Variants in APBA1 observed in about 807,000 individuals in gnomAD.
APBA1 encodes amyloid beta precursor protein binding family A member 1.
APBA1 carries 55 observed loss-of-function variants against 86.6 expected under a neutral mutation model. That is an observed-to-expected ratio of 0.64 (90% CI 0.51 to 0.80). APBA1 has a LOEUF of 0.80. APBA1 is among the 30% of genes least tolerant of loss of function. APBA1 has a pLI of 0.00. For missense variants in APBA1, 1,090 were observed against 1,183.0 expected, an observed-to-expected ratio of 0.92 and a Z score of 1.15; for synonymous variants, 511 against 493.9, an observed-to-expected ratio of 1.03 and a Z score of -0.46.
rs767517524 is a variant in APBA1 at position 69,428,900 on chromosome 9, A to C, written c.*2427T>G. ...TAACACAAAAGAATGTGGCAGAGAA[A>C]TCTTCTCACTCTAATGTTACAATGT... is the stretch of plus-strand genomic sequence containing the variant. On this transcript the variant is annotated 3_prime_UTR_variant, in exon 13 of 13. Transcript: ENST00000265381. 4 of 152,250 alleles carry C rather than the reference A, an allele frequency of 2.6e-5. No homozygotes were observed. Among genetic ancestry groups the C allele is most frequent in the Non-Finnish European group, 5.9e-5 (4 of 68,038 alleles). 9.4% of individuals were successfully genotyped at this position (152,250 alleles called of 1,614,324 possible). A position where few individuals can be genotyped will look rare whatever the true frequency, so the allele number is the denominator to read the frequency against.
Position 69,516,915 on chromosome 9 carries a change from G to A in APBA1, c.296C>T (p.Ala99Val). The A allele has an allele frequency of 6.3e-7, 1 of 1,594,526 alleles. No individual in the cohort carries two copies. The highest frequency in any genetic ancestry group is 8.5e-7 in the Non-Finnish European group (1 of 1,177,084). ...TDTAEGDVIA[A>V]ARDGYDAERA... ...CTCCGCATCGTAGCCGTCGCGGGCC[G>A]CGGCGATCACGTCGCCCTCGGCGGT... Residue 99 changes from alanine (A) to valine (V), a missense_variant, in exon 2 of 13, where the codon GCG becomes GTG. Physicochemically the swap from Ala to Val is moderately conservative, Grantham distance 64. Coordinates refer to ENST00000265381, the MANE Select transcript of APBA1 (RefSeq NM_001163.4). This position sits in a 1 kb window ranked among gnomAD's most constrained non-coding sequence, Gnocchi z 7.3.
intron 1 of APBA1, among the ~76,000 whole-genome samples, chr9:69,657,301 T>C (rs574607499): frequency 2.0e-5 from 3 of 152,336 alleles, no homozygotes; most frequent in Admixed American, 6.5e-5. Context: ...ATGTGTTATA[T>C]ATAGAAGGCA....
intron 1 of APBA1, among the ~76,000 whole-genome samples, chr9:69,530,631 C>T (rs1376496958): frequency 1.3e-5 from 2 of 152,046 alleles, no homozygotes; most frequent in South Asian, 2.1e-4. Context: ...TCACTATTTG[C>T]GTAATGGATA....
At chr9:69,495,798 G>A (rs188570980) in intron 2 of APBA1, among the ~76,000 whole-genome samples, 69 of 152,184 alleles carry the variant, frequency 4.5e-4, no homozygotes, top group Non-Finnish European at 4.4e-5. Context: ...GGGAGTTGGG[G>A]GAAAAGAGGC....
At chr9:69,660,536 C>T (rs1395163459) in intron 1 of APBA1, among the ~76,000 whole-genome samples, 1 of 152,182 alleles carries the variant, frequency 6.6e-6, no homozygotes, top group Non-Finnish European at 1.5e-5. Flanking sequence ...CCTCTCTGTC[C>T]TCCCTGACAT....
chr9:69,587,815 A>T (rs1338109592), intron 1 of APBA1, among the ~76,000 whole-genome samples: 1 of 152,140 alleles, frequency 6.6e-6, no homozygotes, highest in African/African-American at 2.4e-5. Flanking sequence ...ATTTGAGGTC[A>T]GAAGTTTGCG....
At chr9:69,434,283 T>A (rs1383482783) in intron 11 of APBA1, among the ~76,000 whole-genome samples, 1 of 152,148 alleles carries the variant, frequency 6.6e-6, no homozygotes, top group Non-Finnish European at 1.5e-5. Context: ...AAGGCAGTCC[T>A]GCATGTCACA....
intron 1 of APBA1, among the ~76,000 whole-genome samples, chr9:69,524,643 T>C (rs1836314677): frequency 6.6e-6 from 1 of 151,572 alleles, no homozygotes; most frequent in Admixed American, 6.6e-5. Flanking sequence ...GATTCACAGC[T>C]GAATTCTACC....
intron 1 of APBA1, among the ~76,000 whole-genome samples, chr9:69,573,980 T>A (rs975814470): frequency 6.6e-6 from 1 of 152,248 alleles, no homozygotes; most frequent in African/African-American, 2.4e-5. Context: ...AAACTTTGCC[T>A]TATTAGGTAA....
chr9:69,469,116 C>T (rs899433612), intron 4 of APBA1, among the ~76,000 whole-genome samples: 2 of 152,162 alleles, frequency 1.3e-5, no homozygotes, highest in African/African-American at 2.4e-5. Flanking sequence ...CCGCCTCAGC[C>T]TCCCAAAGTG....
intron 1 of APBA1, among the ~76,000 whole-genome samples, chr9:69,642,772 C>G (rs2134009152): frequency 6.6e-6 from 1 of 151,670 alleles, no homozygotes; most frequent in African/African-American, 2.4e-5. Context: ...TATAAGTGGG[C>G]TTCATACAAT....
intron 1 of APBA1, among the ~76,000 whole-genome samples, chr9:69,605,902 T>G (rs1414829633): frequency 1.3e-5 from 2 of 152,272 alleles, no homozygotes; most frequent in African/African-American, 2.4e-5. Flanking sequence ...AATCAACATG[T>G]ATTTATCCAA....
intron 1 of APBA1, among the ~76,000 whole-genome samples, chr9:69,522,416 C>T (rs1464963984): frequency 6.6e-6 from 1 of 151,506 alleles, no homozygotes; most frequent in East Asian, 2.0e-4. Flanking sequence ...CCCTTATTCA[C>T]TCATGCAAAC....
chr9:69,550,373 A>T (rs1213353417), intron 1 of APBA1, among the ~76,000 whole-genome samples: 1 of 152,100 alleles, frequency 6.6e-6, no homozygotes, highest in African/African-American at 2.4e-5. Context: ...TTCTCAAATC[A>T]ATTCAGTCAT....
At chr9:69,452,335 C>A in intron 8 of APBA1, 34 bp from the exon 9 acceptor site, 1 of 1,607,008 alleles carries the variant, frequency 6.2e-7, no homozygotes. Context: ...AGATGGTCAG[C>A]AGGGCAGTGC....
At chr9:69,641,709 T>C (rs7034520) in intron 1 of APBA1, among the ~76,000 whole-genome samples, 141,747 of 152,264 alleles carry the variant, frequency 0.93, 66,274 homozygotes, top group East Asian at 1. Context: ...TCAATCGTTC[T>C]CTCTCACTAT....
chr9:69,571,647 A>T (rs1222737487), intron 1 of APBA1, among the ~76,000 whole-genome samples: 1 of 152,232 alleles, frequency 6.6e-6, no homozygotes, highest in Non-Finnish European at 1.5e-5. Context: ...AATATTTATC[A>T]TTAGACAATG....
In APBA1 at chr9:69,456,392, A is replaced by G. The variant is rs371943178; in HGVS notation, c.1643T>C (p.Ile548Thr). 9.3e-6 allele frequency: 15 copies of G among 1,611,438 alleles called. No individual in the cohort carries two copies. The highest frequency in any genetic ancestry group is 2.7e-5 in the African/African-American group (2 of 74,894). ...MDHPLRTISY[I>T]ADIGNIVVLM... ...CACAACGATGTTCCCAATGTCCGCAATGTAGGAAATGGTCCTCAGAGGGTG... is the reference window on the plus strand; with the variant it reads ...CACAACGATGTTCCCAATGTCCGCAGTGTAGGAAATGGTCCTCAGAGGGTG... Residue 548 changes from isoleucine to threonine, a missense_variant, in exon 8 of 13, where the codon ATT becomes ACT. Transcript: ENST00000265381.
At chr9:69,485,977 GTTTCACTC>G (rs1835603217) in intron 2 of APBA1, among the ~76,000 whole-genome samples, 1 of 151,516 alleles carries the variant, frequency 6.6e-6, no homozygotes, top group Non-Finnish European at 1.5e-5. Context: ...TTGAGACAGA[GTTTCACTC>G]TTTTTGCCCA....
Sources: allele counts gnomAD v4.1 joint callset (sites outside exome capture counted in the v4.1 genomes callset), GRCh38; gene constraint gnomAD v4.1.1; non-coding constraint Gnocchi (gnomAD v3.1); transcripts MANE v1.5; gene names NCBI Gene and HGNC (gene_info 2026-07-23, HGNC 2026-07-21).